Variants in BRINP1 observed in about 807,000 individuals in gnomAD.
BRINP1 encodes BMP/retinoic acid inducible neural specific 1, also known as BMP/retinoic acid-inducible neural-specific protein 1.
In BRINP1, 17 loss-of-function variants were observed where a neutral mutation model predicts 72.9. The ratio of observed to expected loss-of-function variants is 0.23; its 90% CI spans 0.16 to 0.35. The LOEUF (loss-of-function observed/expected upper bound fraction) is 0.35. Ranked by LOEUF, BRINP1 falls within the 10% of genes least tolerant of loss-of-function variation. The pLI is 1.00. For missense variants in BRINP1, 850 were observed against 1,001.6 expected, an observed-to-expected ratio of 0.85 and a Z score of 2.04; for synonymous variants, 418 against 378.5, an observed-to-expected ratio of 1.10 and a Z score of -1.21.
intron 2 of BRINP1, chr9:119,283,040 ACT>A (rs1427902668): frequency 1.8e-5 from 18 of 985,344 alleles, no homozygotes; most frequent in Non-Finnish European, 2.0e-5. Flanking sequence ...TGATGACAGG[ACT>A]TGACCAAGGA....
intron 2 of BRINP1, among the ~76,000 whole-genome samples, chr9:119,270,112 T>C (rs1483702968): frequency 1.3e-5 from 2 of 151,754 alleles, no homozygotes; most frequent in African/African-American, 4.8e-5. Flanking sequence ...AGGTTGGCAC[T>C]TGGTGAAAGA....
intron 1 of BRINP1, among the ~76,000 whole-genome samples, chr9:119,363,014 A>G (rs964298415): frequency 1.3e-5 from 2 of 152,112 alleles, no homozygotes; most frequent in Admixed American, 6.5e-5. Context: ...CATGTTCCCA[A>G]TTTGAAAGCT....
At chr9:119,261,154 G>C (rs1015480490) in intron 2 of BRINP1, among the ~76,000 whole-genome samples, 1 of 152,170 alleles carries the variant, frequency 6.6e-6, no homozygotes, top group African/African-American at 2.4e-5. Context: ...CTGAAGCAGA[G>C]TTTGCATAAC....
At chr9:119,358,927 G>A (rs1031023882) in intron 1 of BRINP1, among the ~76,000 whole-genome samples, 3 of 152,196 alleles carry the variant, frequency 2.0e-5, no homozygotes, top group South Asian at 2.1e-4. Flanking sequence ...CTGCCACATG[G>A]TGGGGAGGTT....
At chr9:119,332,247 A>T (rs1163774805) in intron 1 of BRINP1, among the ~76,000 whole-genome samples, 1 of 152,200 alleles carries the variant, frequency 6.6e-6, no homozygotes. Context: ...CATTCTAGCT[A>T]CCATTTTTAG....
chr9:119,311,260 C>T (rs192616734), intron 2 of BRINP1, among the ~76,000 whole-genome samples: 5 of 152,126 alleles, frequency 3.3e-5, no homozygotes, highest in Admixed American at 2.6e-4. Context: ...AACTAGATGA[C>T]CAGGGGCCTA....
chr9:119,352,807 A>G (rs1218423703), intron 1 of BRINP1, among the ~76,000 whole-genome samples: 1 of 152,238 alleles, frequency 6.6e-6, no homozygotes, highest in East Asian at 1.9e-4. Context: ...TTGATAAATT[A>G]TGAAATCCTG....
intron 2 of BRINP1, among the ~76,000 whole-genome samples, chr9:119,280,788 C>G (rs1203772769): frequency 6.6e-6 from 1 of 152,150 alleles, no homozygotes; most frequent in African/African-American, 2.4e-5. Context: ...GGCCCCAAGT[C>G]AGTTCAGTAC....
chr9:119,168,623 A>G (rs992594412), intron 7 of BRINP1, among the ~76,000 whole-genome samples: 1 of 152,228 alleles, frequency 6.6e-6, no homozygotes, highest in African/African-American at 2.4e-5. Flanking sequence ...AGCAATGAAA[A>G]AGACCTTAGG....
chr9:119,172,756 A>AG (rs1293888947), intron 7 of BRINP1, among the ~76,000 whole-genome samples: 2 of 152,144 alleles, frequency 1.3e-5, no homozygotes, highest in East Asian at 3.8e-4. Context: ...AACTGAATCC[A>AG]GCAACACATC....
chr9:119,367,230 A>G (rs1279286505), intron 1 of BRINP1, among the ~76,000 whole-genome samples: 1 of 137,692 alleles, frequency 7.3e-6, no homozygotes, highest in African/African-American at 2.8e-5. Flanking sequence ...TGATATATAT[A>G]TATATATATA....
intron 6 of BRINP1, among the ~76,000 whole-genome samples, chr9:119,209,288 CAAGGTTGGGTG>C (rs1829893891): frequency 6.6e-6 from 1 of 152,088 alleles, no homozygotes; most frequent in Non-Finnish European, 1.5e-5. Flanking sequence ...AAATTGAAAA[CAAGGTTGGGTG>C]CAGTGGCTCA....
In BRINP1 at chr9:119,226,707, A is replaced by G. The variant is rs955360842; in HGVS notation, c.685+11948T>C. Among the ~76,000 whole-genome samples the G allele has an allele frequency of 2.6e-5, 4 of 152,156 alleles. No homozygotes were observed. The South Asian group carries it at 8.3e-4, about 32-fold the overall frequency. On this transcript the variant is annotated intron_variant, in intron 5 of 7. Transcript: ENST00000265922. ...TCTCCGGTTATAGATCCATTTCAGA[A>G]TATGAGAATAATTATGGAAATCGGT...
At chr9:119,233,873 A>G (rs1830168704) in intron 5 of BRINP1, among the ~76,000 whole-genome samples, 1 of 152,058 alleles carries the variant, frequency 6.6e-6, no homozygotes, top group Non-Finnish European at 1.5e-5. Context: ...TTTTTCACCC[A>G]TCTAGGAATA....
At chr9:119,234,062 G>A (rs1830170823) in intron 5 of BRINP1, among the ~76,000 whole-genome samples, 3 of 152,102 alleles carry the variant, frequency 2.0e-5, no homozygotes, top group Admixed American at 1.3e-4. Context: ...GGACATTTGG[G>A]TTGTTTCCAG....
chr9:119,167,834 G>C lies in BRINP1; in HGVS notation c.1536C>G (p.Leu512=), dbSNP rs148767782. The change falls in exon 8 of 8, where the codon CTC becomes CTG. Residue 512 remains leucine, a synonymous_variant. Coordinates refer to ENST00000265922, the MANE Select transcript of BRINP1 (RefSeq NM_014618.3). This position sits in a 1 kb window ranked among gnomAD's most constrained non-coding sequence, Gnocchi z 4.3. ...HTTFISNEIR[L]DTFFDPRWRK... is the part of the protein sequence containing the mutation. ...GCCACCGAGGGTCAAAGAAGGTGTC[G>C]AGGCGGATCTCGTTGCTGATGAAGG... 1.9e-5 allele frequency: 30 copies of C among 1,614,040 alleles called. No homozygotes were observed. The South Asian group carries it at 3.0e-4, about 16-fold the overall frequency.
intron 1 of BRINP1, among the ~76,000 whole-genome samples, chr9:119,354,695 TA>T (rs11320964): frequency 0.4 from 58,841 of 147,726 alleles, 11,536 homozygotes; most frequent in African/African-American, 0.41. Flanking sequence ...ACCCCGTCTC[TA>T]AAAAAAAAAA....
chr9:119,187,932 G>C (rs1829642151), intron 7 of BRINP1, among the ~76,000 whole-genome samples: 1 of 152,130 alleles, frequency 6.6e-6, no homozygotes, highest in African/African-American at 2.4e-5. Flanking sequence ...ACAAAATTAA[G>C]AGCTTCAATA....
intron 7 of BRINP1, among the ~76,000 whole-genome samples, chr9:119,193,388 G>C (rs927101237): frequency 3.3e-5 from 5 of 152,088 alleles, no homozygotes; most frequent in Non-Finnish European, 7.4e-5. Flanking sequence ...CAAATACACA[G>C]AGACAGAGAA....
Sources: allele counts gnomAD v4.1 joint callset (sites outside exome capture counted in the v4.1 genomes callset), GRCh38; gene constraint gnomAD v4.1.1; non-coding constraint Gnocchi (gnomAD v3.1); transcripts MANE v1.5; gene names NCBI Gene and HGNC (gene_info 2026-07-23, HGNC 2026-07-21).